The following CFAP69 variants were observed in gnomAD, a reference collection of about 807,000 sequenced individuals.
CFAP69 encodes the protein cilia- and flagella-associated protein 69.
Under a neutral mutation model 123.0 loss-of-function variants are expected in CFAP69, and 92 were observed. The observed-to-expected ratio is 0.75, with a 90% confidence interval of 0.63 to 0.89. The LOEUF (loss-of-function observed/expected upper bound fraction) is 0.89, where lower values mean the gene tolerates loss of function less well. Ranked by LOEUF, CFAP69 falls within the 40% of genes least tolerant of loss-of-function variation. The pLI is 0.00. For synonymous variants in CFAP69, 380 were observed against 364.3 expected, an observed-to-expected ratio of 1.04 and a Z score of -0.49; for missense variants, 1,067 against 1,096.9, an observed-to-expected ratio of 0.97 and a Z score of 0.39.
intron 3 of CFAP69, among the ~76,000 whole-genome samples, chr7:90,260,375 C>T (rs1301720855): frequency 6.6e-6 from 1 of 151,814 alleles, no homozygotes; most frequent in African/African-American, 2.4e-5. Flanking sequence ...AAAAAAATAG[C>T]CATGTATGGC....
chr7:90,282,952 C>A lies in CFAP69; in HGVS notation c.1433C>A (p.Ala478Asp). ...HGTGGRGNKF[A>D]QMRYSLRLLR... ...ACAGGTGGCCGAGGCAACAAGTTTGCCCAGATGCGTTACAGTTTAAGACTC... is the reference window on the plus strand; with the variant it reads ...ACAGGTGGCCGAGGCAACAAGTTTGACCAGATGCGTTACAGTTTAAGACTC... Residue 478 changes from alanine (A) to aspartate (D), a missense_variant, in exon 13 of 23, where the codon GCC (alanine) becomes GAC (aspartate). Transcript: ENST00000389297. 1 of 1,597,612 alleles carries A rather than the reference C, an allele frequency of 6.3e-7. No homozygotes were observed. Among genetic ancestry groups the A allele is most frequent in the Non-Finnish European group, 8.5e-7 (1 of 1,172,792 alleles).
intron 8 of CFAP69, chr7:90,272,362 T>TA (rs1199674250): frequency 6.3e-6 from 1 of 159,612 alleles, no homozygotes; most frequent in Non-Finnish European, 1.4e-5. Context: ...TTGTCTGCTC[T>TA]ATGCCAGCTT....
intron 3 of CFAP69, among the ~76,000 whole-genome samples, chr7:90,259,472 G>T (rs17862133): frequency 0.12 from 4,458 of 36,668 alleles, 101 homozygotes; most frequent in South Asian, 0.31. Context: ...GTTTTGGGGT[G>T]TTTGTTTGTT....
downstream of CFAP69, among the ~76,000 whole-genome samples, chr7:90,311,914 C>T (rs1231848768): frequency 6.6e-6 from 1 of 152,120 alleles, no homozygotes; most frequent in Non-Finnish European, 1.5e-5. Context: ...TTGTTTCTTT[C>T]CTTCACAGGG....
chr7:90,245,603 G>A, intron 1 of CFAP69, 59 bp downstream of exon 1: 1 of 1,432,726 alleles, frequency 7.0e-7, no homozygotes, highest in Non-Finnish European at 9.2e-7. Flanking sequence ...GTCTCGAGAC[G>A]GGGTCCAGAC....
chr7:90,249,368 T>G (rs1273931914), intron 1 of CFAP69, among the ~76,000 whole-genome samples: 3 of 152,206 alleles, frequency 2.0e-5, no homozygotes, highest in Non-Finnish European at 2.9e-5. Context: ...CAATTAAACC[T>G]CTTTCCTTTA....
At chr7:90,282,762 T>TAA in intron 12 of CFAP69, 130 bp from the exon 13 acceptor site, 8 of 659,780 alleles carry the variant, frequency 1.2e-5, no homozygotes, top group Admixed American at 4.3e-5. Context: ...TTTATTTCTC[T>TAA]AAAAAAAAAC....
chr7:90,307,698 A>C, intron 20 of CFAP69, 70 bp from the exon 21 acceptor site: 2 of 941,630 alleles, frequency 2.1e-6, no homozygotes, highest in Non-Finnish European at 1.6e-6. Flanking sequence ...TGGGTGACAG[A>C]GTGAGGTTCT....
At chr7:90,280,128 G>A (rs10262603) in intron 12 of CFAP69, among the ~76,000 whole-genome samples, 77,291 of 151,996 alleles carry the variant, frequency 0.51, 20,463 homozygotes, top group Non-Finnish European at 0.59. Context: ...CATGTAATTT[G>A]AATTTTTGTA....
At chr7:90,295,152 AG>A (rs1211069826) in intron 15 of CFAP69, among the ~76,000 whole-genome samples, 1 of 152,240 alleles carries the variant, frequency 6.6e-6, no homozygotes. Flanking sequence ...AAAAAGTGCA[AG>A]GCAGATTATT....
chr7:90,307,073 A>G lies in CFAP69; in HGVS notation c.2438A>G (p.Gln813Arg), dbSNP rs1389442446. ...IIESQACQDM[Q>R]NEQKVYAKIQ... ...GAAAGCCAAGCATGCCAAGACATGCAAAATGAACAAAAAGTATATGCAAAA... is the reference window on the plus strand; with the variant it reads ...GAAAGCCAAGCATGCCAAGACATGCGAAATGAACAAAAAGTATATGCAAAA... Residue 813 changes from glutamine to arginine, a missense_variant, in exon 20 of 23, where the codon CAA becomes CGA. By Grantham distance (43) the Gln-to-Arg change is conservative (BLOSUM62 1). Coordinates refer to ENST00000389297, the MANE Select transcript of CFAP69 (RefSeq NM_001039706.3). 6.2e-7 allele frequency: 1 copy of G among 1,610,998 alleles called. No individual in the cohort carries two copies. The highest frequency in any genetic ancestry group is 1.1e-5 in the South Asian group (1 of 90,398).
chr7:90,264,985 A>T (rs976388080), intron 4 of CFAP69, among the ~76,000 whole-genome samples: 1 of 151,786 alleles, frequency 6.6e-6, no homozygotes, highest in Admixed American at 6.6e-5. Context: ...GAAGAGACGG[A>T]ATTTCACCAT....
rs151289332 is a variant in CFAP69 at position 90,289,931 on chromosome 7, G to A, written c.1775+1579G>A. Reference sequence around the variant, plus strand: ...CAAATCAAATGTCCGTATATATTTGGATCTATTTCTAGGCTTTCTGTGCTG... The same window carrying A: ...CAAATCAAATGTCCGTATATATTTGAATCTATTTCTAGGCTTTCTGTGCTG... On this transcript the variant is annotated intron_variant, in intron 15 of 22. Transcript: ENST00000389297. 6.6e-5 allele frequency among the ~76,000 whole-genome samples: 10 copies of A among 152,162 alleles called. No individual in the cohort carries two copies. In the East Asian group the frequency reaches 1.9e-3, roughly 29 times the overall value.
At chr7:90,246,614 C>A (rs1044512463) in intron 1 of CFAP69, among the ~76,000 whole-genome samples, 6 of 152,194 alleles carry the variant, frequency 3.9e-5, no homozygotes, top group Non-Finnish European at 7.3e-5. Flanking sequence ...TTTTGTGGAC[C>A]TATTCCCCTC....
At chr7:90,247,312 G>A (rs1796447860) in intron 1 of CFAP69, among the ~76,000 whole-genome samples, 2 of 152,172 alleles carry the variant, frequency 1.3e-5, no homozygotes, top group South Asian at 4.1e-4. Flanking sequence ...GGCCAGTTTA[G>A]GAAAGATCCT....
At chr7:90,306,122 G>C (rs965946542) in intron 19 of CFAP69, among the ~76,000 whole-genome samples, 1 of 149,612 alleles carries the variant, frequency 6.7e-6, no homozygotes, top group Admixed American at 6.7e-5. Context: ...ATTGGGGGGG[G>C]GCGGGGCGGG....
chr7:90,320,884 G>A, the CFAP69 span: 5 of 151,428 alleles, frequency 3.3e-5, no homozygotes, highest in African/African-American at 1.2e-4. Flanking sequence ...TTTCAGGCTA[G>A]CGCCTCTCCC....
At chr7:90,304,536 G>A in intron 18 of CFAP69, 1 of 1,328,808 alleles carries the variant, frequency 7.5e-7, no homozygotes, top group Admixed American at 3.8e-5. Context: ...GGATGACCTG[G>A]CAGAAATGTG....
Position 90,303,514 on chromosome 7 carries a change from CT to C in CFAP69, c.2051-453del, listed in dbSNP as rs557784385. ...TATTGTTTATTTTTAAATGTAAATA[CT>C]TCCCCTTCTGATGACTTGTATCTTC... On this transcript the variant is annotated intron_variant, in intron 17 of 22. Coordinates refer to ENST00000389297, the MANE Select transcript of CFAP69 (RefSeq NM_001039706.3). 1,512 of 926,582 alleles carry C rather than the reference CT, an allele frequency of 1.6e-3. 15 individuals are homozygous for C. The African/African-American group carries it at 0.021, about 13-fold the overall frequency. 57.4% of individuals were successfully genotyped at this position (926,582 alleles called of 1,614,324 possible). A position where few individuals can be genotyped will look rare whatever the true frequency, so the allele number is the denominator to read the frequency against.
Sources: allele counts gnomAD v4.1 joint callset (sites outside exome capture counted in the v4.1 genomes callset), GRCh38; gene constraint gnomAD v4.1.1; transcripts MANE v1.5; gene names NCBI Gene and HGNC (gene_info 2026-07-23, HGNC 2026-07-21).